Variants in NTM observed in about 807,000 individuals in gnomAD.
NTM encodes the protein neurotrimin, also known as IgLON family member 2.
A neutral mutation model predicts 42.1 loss-of-function variants in NTM; 13 were observed. The ratio of observed to expected loss-of-function variants is 0.31; its 90% CI spans 0.20 to 0.49. The LOEUF is 0.49. NTM is among the 20% of genes least tolerant of loss of function. The probability of loss-of-function intolerance (pLI) is 0.99; values close to 1 mark genes in which losing one functional copy is unlikely to be tolerated. For synonymous variants in NTM, 187 were observed against 179.2 expected (o/e 1.04, Z -0.35); for missense variants, 373 against 452.8 (o/e 0.82, Z 1.60).
intron 1 of NTM, among the ~76,000 whole-genome samples, chr11:131,837,995 G>A (rs573106353): frequency 6.6e-6 from 1 of 152,302 alleles, no homozygotes; most frequent in East Asian, 1.9e-4. Flanking sequence ...GTTTTGAATA[G>A]TCAATTTCAC....
At chr11:131,542,813 G>A (rs1366665216) in intron 1 of NTM, among the ~76,000 whole-genome samples, 2 of 152,174 alleles carry the variant, frequency 1.3e-5, no homozygotes, top group African/African-American at 4.8e-5. Flanking sequence ...GAGGAGGTGT[G>A]CAGCCTGGCT....
At chr11:131,892,338 T>C (rs567768124) in intron 1 of NTM, among the ~76,000 whole-genome samples, 26 of 152,350 alleles carry the variant, frequency 1.7e-4, no homozygotes, top group South Asian at 1.0e-3. Flanking sequence ...ATTGTAACCG[T>C]GCAAAGAGAG....
At chr11:131,741,848 G>C (rs2081242107) in intron 1 of NTM, among the ~76,000 whole-genome samples, 2 of 152,300 alleles carry the variant, frequency 1.3e-5, no homozygotes, top group South Asian at 4.1e-4. Context: ...TGGTAGATTG[G>C]ATAAAGAAAA....
At chr11:131,824,710 T>C (rs770477131) in intron 1 of NTM, among the ~76,000 whole-genome samples, 2 of 152,180 alleles carry the variant, frequency 1.3e-5, no homozygotes, top group African/African-American at 2.4e-5. Flanking sequence ...ACATGTTGAA[T>C]AGTGAATGAA....
intron 2 of NTM, among the ~76,000 whole-genome samples, chr11:132,059,967 C>T (rs187955905): frequency 1.3e-5 from 2 of 152,078 alleles, no homozygotes; most frequent in East Asian, 3.9e-4. Flanking sequence ...CTATTTCTTC[C>T]AGATTAGAGA....
At chr11:131,793,086 C>T (rs951748434) in intron 1 of NTM, among the ~76,000 whole-genome samples, 6 of 152,154 alleles carry the variant, frequency 3.9e-5, no homozygotes, top group East Asian at 1.9e-4. Flanking sequence ...CTTAGAAGGG[C>T]TTTTTAGTAT....
chr11:131,439,531 C>G (rs1949432205), intron 1 of NTM, among the ~76,000 whole-genome samples: 1 of 152,218 alleles, frequency 6.6e-6, no homozygotes, highest in South Asian at 2.1e-4. Context: ...GCCCCTCCCC[C>G]TGCCAGGCTG....
chr11:132,060,241 T>C (rs1423108224), intron 2 of NTM, among the ~76,000 whole-genome samples: 1 of 152,240 alleles, frequency 6.6e-6, no homozygotes, highest in Non-Finnish European at 1.5e-5. Flanking sequence ...TTTCAACACT[T>C]AAGTGTCTTA....
chr11:132,001,600 A>T (rs2069250214), intron 2 of NTM, among the ~76,000 whole-genome samples: 1 of 151,986 alleles, frequency 6.6e-6, no homozygotes, highest in Non-Finnish European at 1.5e-5. Flanking sequence ...GGTGGGGAGG[A>T]GGTACCATAC....
At chr11:131,853,101 A>G (rs1181191910) in intron 1 of NTM, among the ~76,000 whole-genome samples, 1 of 149,870 alleles carries the variant, frequency 6.7e-6, no homozygotes, top group Admixed American at 6.7e-5. Flanking sequence ...ATCTACAAAC[A>G]TCTTTAGAGT....
At chr11:132,280,693 C>G (rs982779318) in intron 4 of NTM, among the ~76,000 whole-genome samples, 1 of 152,026 alleles carries the variant, frequency 6.6e-6, no homozygotes, top group Non-Finnish European at 1.5e-5. Context: ...ACCATGTTGG[C>G]CAGGCTGGTC....
At chr11:131,899,725 T>C (rs938085043) in intron 1 of NTM, among the ~76,000 whole-genome samples, 7 of 152,224 alleles carry the variant, frequency 4.6e-5, no homozygotes, top group African/African-American at 1.7e-4. Flanking sequence ...TGTATAAGTT[T>C]TATTCAGACA....
At chr11:131,740,640 C>A (rs1156520716) in intron 1 of NTM, among the ~76,000 whole-genome samples, 1 of 152,004 alleles carries the variant, frequency 6.6e-6, no homozygotes, top group Non-Finnish European at 1.5e-5. Flanking sequence ...GGGTTTCTGT[C>A]CTTCTAATCC....
At chr11:131,556,653 C>T (rs1291529287) in intron 1 of NTM, among the ~76,000 whole-genome samples, 12 of 146,608 alleles carry the variant, frequency 8.2e-5, no homozygotes, top group South Asian at 2.2e-4. Context: ...TTGAAACCTT[C>T]GCCTCCCAGG....
chr11:131,510,906 G>A (rs919660560), intron 1 of NTM, among the ~76,000 whole-genome samples: 7 of 152,220 alleles, frequency 4.6e-5, no homozygotes, highest in Admixed American at 3.3e-4. Flanking sequence ...GCAGCAGCCA[G>A]TGCCTCTTGA....
At chr11:131,607,694 G>T (rs1481259884) in intron 1 of NTM, among the ~76,000 whole-genome samples, 1 of 152,070 alleles carries the variant, frequency 6.6e-6, no homozygotes, top group Non-Finnish European at 1.5e-5. Flanking sequence ...ATAAAACAAG[G>T]TCTCTAATTT....
intron 2 of NTM, among the ~76,000 whole-genome samples, chr11:131,985,809 G>A (rs1463594028): frequency 6.6e-6 from 1 of 152,102 alleles, no homozygotes; most frequent in Admixed American, 6.6e-5. Context: ...AAGTTTTGGT[G>A]AGCAGCAACC....
intron 2 of NTM, among the ~76,000 whole-genome samples, chr11:132,033,995 CT>C (rs915832187): frequency 6.6e-6 from 1 of 152,106 alleles, no homozygotes; most frequent in African/African-American, 2.4e-5. Context: ...TCATCTAATT[CT>C]TTTATTTTTC....
intron 2 of NTM, among the ~76,000 whole-genome samples, chr11:131,967,407 T>A (rs1395602981): frequency 6.6e-6 from 1 of 152,182 alleles, no homozygotes; most frequent in Non-Finnish European, 1.5e-5. Flanking sequence ...CTGGGCTTGT[T>A]TCATTGATGC....
Sources: gnomAD v4.1 joint callset for allele counts (sites outside exome capture counted in the v4.1 genomes callset) on GRCh38, gnomAD v4.1.1 for gene constraint, MANE v1.5 for transcripts, NCBI Gene and HGNC (gene_info 2026-07-23, HGNC 2026-07-21) for gene names.